The following ESCO1 variants were observed in gnomAD, a reference collection of about 807,000 sequenced individuals.
ESCO1 encodes the protein N-acetyltransferase ESCO1.
In ESCO1, 33 loss-of-function variants were observed where a neutral mutation model predicts 83.5. The observed-to-expected ratio is 0.40, with a 90% CI of 0.30 to 0.53. The LOEUF is 0.53. Ranked by LOEUF, ESCO1 falls within the 20% of genes least tolerant of loss-of-function variation. The probability of loss-of-function intolerance (pLI) is 0.63; values close to 1 mark genes in which losing one functional copy is unlikely to be tolerated. For missense variants in ESCO1, 855 were observed against 968.0 expected (o/e 0.88, Z 1.55); for synonymous variants, 332 against 324.3 (o/e 1.02, Z -0.25).
chr18:21,543,394 G>A (rs930655745), intron 8 of ESCO1, among the ~76,000 whole-genome samples: 4 of 152,168 alleles, frequency 2.6e-5, no homozygotes, highest in African/African-American at 9.7e-5. Flanking sequence ...CCGACCTCAG[G>A]TGATCCGCCA....
intron 8 of ESCO1, among the ~76,000 whole-genome samples, chr18:21,559,296 G>A (rs548312002): frequency 1.3e-5 from 2 of 152,316 alleles, no homozygotes; most frequent in South Asian, 4.2e-4. Context: ...GGTTGGAGGA[G>A]GGGTCTGGCT....
chr18:21,598,220 T>C (rs1452761023), intron 1 of ESCO1, among the ~76,000 whole-genome samples: 1 of 152,204 alleles, frequency 6.6e-6, no homozygotes. Flanking sequence ...ATTCGAACTG[T>C]GCAGCGCTGG....
intron 8 of ESCO1, among the ~76,000 whole-genome samples, chr18:21,559,517 T>C (rs1195566456): frequency 4.6e-5 from 7 of 152,218 alleles, no homozygotes; most frequent in African/African-American, 1.4e-4. Flanking sequence ...ATTAAGACTT[T>C]GAAATAAAAT....
chr18:21,546,089 T>C (rs911574246), intron 8 of ESCO1, among the ~76,000 whole-genome samples: 3 of 152,220 alleles, frequency 2.0e-5, no homozygotes, highest in African/African-American at 7.2e-5. Flanking sequence ...ACTGACTACC[T>C]ACCATGTATA....
At chr18:21,563,259 A>G (rs925915005) in intron 7 of ESCO1, among the ~76,000 whole-genome samples, 6 of 152,236 alleles carry the variant, frequency 3.9e-5, no homozygotes, top group African/African-American at 9.6e-5. Context: ...GATGTGAAAT[A>G]AAGTATCACA....
At chr18:21,564,712 T>C (rs918940750) in intron 6 of ESCO1, among the ~76,000 whole-genome samples, 2 of 151,892 alleles carry the variant, frequency 1.3e-5, no homozygotes, top group Non-Finnish European at 2.9e-5. Context: ...ACTTATTTTC[T>C]ACACAACGCT....
intron 8 of ESCO1, among the ~76,000 whole-genome samples, chr18:21,544,746 T>C (rs367812726): frequency 2.3e-4 from 35 of 152,168 alleles, no homozygotes; most frequent in African/African-American, 8.0e-4. Flanking sequence ...TTGTTGAAGG[T>C]AGGTGATCAG....
chr18:21,575,854 T>G (rs994998189), intron 2 of ESCO1, 77 bp from the exon 3 acceptor site: 1 of 395,052 alleles, frequency 2.5e-6, no homozygotes, highest in African/African-American at 2.1e-5. Flanking sequence ...TCTCATCAAA[T>G]ATAACGCTCC....
chr18:21,535,990 T>C lies in ESCO1; in HGVS notation c.2187+52A>G, dbSNP rs184900300. ...AGGATTTATGTTATTTGGGATTACGTTGTAAACTCATTAAACACCAAATTA... is the reference window on the plus strand; with the variant it reads ...AGGATTTATGTTATTTGGGATTACGCTGTAAACTCATTAAACACCAAATTA... On this transcript the variant is annotated intron_variant, in intron 10 of 11. Transcript: ENST00000269214. 3.7e-4 allele frequency: 583 copies of C among 1,591,948 alleles called. 3 individuals carry two copies. In the African/African-American group the frequency reaches 6.1e-3, roughly 17 times the overall value.
intron 1 of ESCO1, among the ~76,000 whole-genome samples, chr18:21,599,409 T>C (rs2038809382): frequency 1.3e-5 from 2 of 152,204 alleles, no homozygotes. Context: ...ACTAAGTACT[T>C]GACCAGAAGA....
intron 4 of ESCO1, among the ~76,000 whole-genome samples, chr18:21,570,630 C>T (rs2038327453): frequency 6.6e-6 from 1 of 152,148 alleles, no homozygotes; most frequent in Non-Finnish European, 1.5e-5. Flanking sequence ...AAAAGATCCA[C>T]ATCCACTTTA....
intron 8 of ESCO1, among the ~76,000 whole-genome samples, chr18:21,546,194 C>A (rs1405452736): frequency 6.6e-6 from 1 of 152,154 alleles, no homozygotes; most frequent in East Asian, 1.9e-4. Flanking sequence ...TACTCACTAG[C>A]TGCCCTGCTT....
intron 1 of ESCO1, among the ~76,000 whole-genome samples, chr18:21,589,539 A>C (rs1316476323): frequency 6.6e-6 from 1 of 152,296 alleles, no homozygotes; most frequent in East Asian, 1.9e-4. Flanking sequence ...CTGCAGAATC[A>C]AACCCCGTAT....
intron 6 of ESCO1, among the ~76,000 whole-genome samples, chr18:21,564,953 G>C (rs1178440655): frequency 6.6e-6 from 1 of 152,084 alleles, no homozygotes; most frequent in East Asian, 1.9e-4. Flanking sequence ...GCGTGTGCCT[G>C]TAGTCCTAGC....
At chr18:21,566,430 G>A (rs964820040) in intron 5 of ESCO1, among the ~76,000 whole-genome samples, 1 of 152,224 alleles carries the variant, frequency 6.6e-6, no homozygotes, top group African/African-American at 2.4e-5. Flanking sequence ...GCAAAGAGCT[G>A]TAATGGTAGA....
At chr18:21,553,153 G>A (rs1028886160) in intron 8 of ESCO1, among the ~76,000 whole-genome samples, 1 of 152,074 alleles carries the variant, frequency 6.6e-6, no homozygotes, top group Non-Finnish European at 1.5e-5. Context: ...AGTCAAGCAC[G>A]GTGGTGTACC....
intron 8 of ESCO1, among the ~76,000 whole-genome samples, chr18:21,541,686 C>T (rs1393804556): frequency 1.3e-5 from 2 of 151,690 alleles, no homozygotes; most frequent in Admixed American, 1.3e-4. Flanking sequence ...CAAGACATCA[C>T]CTCTTTAAAA....
At chr18:21,568,956 A>G (rs1384612061) in intron 4 of ESCO1, among the ~76,000 whole-genome samples, 2 of 151,928 alleles carry the variant, frequency 1.3e-5, no homozygotes, top group African/African-American at 4.8e-5. Context: ...AATTTTATCT[A>G]TTTCTCTTTA....
intron 1 of ESCO1, among the ~76,000 whole-genome samples, chr18:21,594,695 C>T (rs907522558): frequency 1.3e-5 from 1 of 75,466 alleles, no homozygotes; most frequent in African/African-American, 5.0e-5. Context: ...CTGAGCGAGA[C>T]TCCATCTCAA....
Sources: gnomAD v4.1 joint callset for allele counts (sites outside exome capture counted in the v4.1 genomes callset) on GRCh38, gnomAD v4.1.1 for gene constraint, MANE v1.5 for transcripts, NCBI Gene and HGNC (gene_info 2026-07-23, HGNC 2026-07-21) for gene names.